UMODL1: variants seen among roughly 807,000 people sequenced by gnomAD.
UMODL1 encodes the protein uromodulin like 1, also known as uromodulin-like 1.
Under a neutral mutation model 136.3 loss-of-function variants are expected in UMODL1, and 128 were observed. The observed-to-expected ratio is 0.94, with a 90% CI of 0.81 to 1.09. UMODL1 has a LOEUF of 1.09. UMODL1 is among the 50% of genes least tolerant of loss of function. UMODL1 has a pLI of 0.00. For missense variants in UMODL1, 1,766 were observed against 1,725.6 expected (o/e 1.02, Z -0.41); for synonymous variants, 721 against 720.0 (o/e 1.00, Z -0.02).
intron 17 of UMODL1, among the ~76,000 whole-genome samples, chr21:42,124,163 C>A (rs1210270626): frequency 6.6e-6 from 1 of 152,236 alleles, no homozygotes; most frequent in Non-Finnish European, 1.5e-5. Context: ...CGTCTCCAAC[C>A]CCACTTGGCC....
chr21:42,088,141 T>C (rs535758706), intron 4 of UMODL1, among the ~76,000 whole-genome samples, 153 bp from the exon 5 acceptor site: 2 of 152,272 alleles, frequency 1.3e-5, no homozygotes, highest in African/African-American at 4.8e-5. Context: ...ATTGGGATAG[T>C]GATGGATAGA....
intron 17 of UMODL1, among the ~76,000 whole-genome samples, chr21:42,125,087 T>A (rs2123357408): frequency 6.6e-6 from 1 of 152,252 alleles, no homozygotes; most frequent in East Asian, 1.9e-4. Context: ...CAGGGCGGCC[T>A]CTGGCACTGG....
chr21:42,082,726 G>A (rs1045995412), intron 2 of UMODL1, among the ~76,000 whole-genome samples: 5 of 152,272 alleles, frequency 3.3e-5, no homozygotes, highest in South Asian at 2.1e-4. Flanking sequence ...CACCTCTGCC[G>A]TCTTGGCAAA....
At chr21:42,091,244 A>G (rs975248902) in intron 6 of UMODL1, among the ~76,000 whole-genome samples, 1 of 152,230 alleles carries the variant, frequency 6.6e-6, no homozygotes, top group Non-Finnish European at 1.5e-5. Context: ...AAATGGAGAC[A>G]TTTTGGCGCA....
chr21:42,106,487 A>G (rs1263909303), intron 9 of UMODL1, among the ~76,000 whole-genome samples: 1 of 152,110 alleles, frequency 6.6e-6, no homozygotes, highest in Non-Finnish European at 1.5e-5. Flanking sequence ...CCCAACCCCG[A>G]TAGATGAGGC....
intron 1 of UMODL1, among the ~76,000 whole-genome samples, chr21:42,074,133 A>C (rs989423865): frequency 6.6e-6 from 1 of 152,078 alleles, no homozygotes; most frequent in African/African-American, 2.4e-5. Flanking sequence ...GAAGTCTAAG[A>C]TGAAGTTGCG....
At chr21:42,121,007 C>T (rs1230574984) in intron 15 of UMODL1, 80 bp from the exon 16 acceptor site, 7 of 1,514,912 alleles carry the variant, frequency 4.6e-6, no homozygotes, top group Non-Finnish European at 6.2e-6. Flanking sequence ...CTGTGAGATG[C>T]ACTCTCCCCC....
intron 21 of UMODL1, among the ~76,000 whole-genome samples, chr21:42,132,033 C>T (rs1037336802): frequency 2.0e-5 from 3 of 152,214 alleles, no homozygotes; most frequent in Admixed American, 1.3e-4. Context: ...AAGCACTAGA[C>T]TTGGACTTGG....
At chr21:42,125,138 G>A (rs2067035045) in intron 17 of UMODL1, among the ~76,000 whole-genome samples, 2 of 152,206 alleles carry the variant, frequency 1.3e-5, no homozygotes, top group Admixed American at 6.5e-5. Flanking sequence ...GTCCTGGCAT[G>A]GGGTGTCAAT....
Position 42,130,069 on chromosome 21 carries a change from A to G in UMODL1, c.3775+272A>G, listed in dbSNP as rs186762504. Among the ~76,000 whole-genome samples, 167 of 152,338 alleles carry G rather than the reference A, an allele frequency of 1.1e-3. 1 individual carries two copies. The highest frequency in any genetic ancestry group is 2.9e-3 in the Admixed American group (44 of 15,306). On this transcript the variant is annotated intron_variant, in intron 21 of 22. Coordinates refer to ENST00000408910, the MANE Select transcript of UMODL1 (RefSeq NM_001004416.3). ...TACCATACCCATGCTACAGATGAAA[A>G]GACTGAGGCTTCAAGAGGCCAGGCA...
At chr21:42,087,012 T>A (rs931314171) in intron 4 of UMODL1, among the ~76,000 whole-genome samples, 1 of 152,204 alleles carries the variant, frequency 6.6e-6, no homozygotes, top group Non-Finnish European at 1.5e-5. Flanking sequence ...TAACCCTGCC[T>A]GAGACAGGGC....
At chr21:42,124,265 G>A (rs1433109882) in intron 17 of UMODL1, among the ~76,000 whole-genome samples, 1 of 152,238 alleles carries the variant, frequency 6.6e-6, no homozygotes, top group Non-Finnish European at 1.5e-5. Flanking sequence ...GCCTGGTACT[G>A]GACACAGGGG....
At chr21:42,072,027 G>A (rs1465177389) in intron 1 of UMODL1, among the ~76,000 whole-genome samples, 3 of 147,790 alleles carry the variant, frequency 2.0e-5, no homozygotes, top group Non-Finnish European at 3.0e-5. Context: ...CAGCCTGGGC[G>A]GCAGAGCAAA....
At chr21:42,094,071 A>C in intron 6 of UMODL1, 1 of 408,892 alleles carries the variant, frequency 2.4e-6, no homozygotes, top group East Asian at 7.3e-5. Context: ...ATCCGGAAAA[A>C]TATTAGATTC....
Position 42,126,441 on chromosome 21 carries a change from G to A in UMODL1, c.3244G>A (p.Ala1082Thr), listed in dbSNP as rs547216965. 43 of 1,614,202 alleles carry A rather than the reference G, an allele frequency of 2.7e-5. No individual in the cohort carries two copies. Among genetic ancestry groups the A allele is most frequent in the African/African-American group, 1.7e-4 (13 of 75,046 alleles). Residue 1082 changes from alanine to threonine, a missense_variant, in exon 18 of 23, where the codon GCC becomes ACC. Coordinates refer to ENST00000408910, the MANE Select transcript of UMODL1 (RefSeq NM_001004416.3). Reference protein sequence around the residue: ...HLKILSPIYCAFQNDLLTSSG... With the variant: ...HLKILSPIYCTFQNDLLTSSG... ...GAAGATCCTGAGCCCCATCTACTGC[G>A]CCTTCCAGAATGACCTGCTGACATC...
chr21:42,088,615 A>T, intron 5 of UMODL1, 135 bp downstream of exon 5: 1 of 942,772 alleles, frequency 1.1e-6, no homozygotes. Flanking sequence ...CAAAAGAATA[A>T]CTGGTTCAAG....
rs540800065 is a variant in UMODL1 at position 42,104,105 on chromosome 21, G to C, written c.1519+18G>C. On this transcript the variant is annotated intron_variant, in intron 9 of 22. Coordinates refer to ENST00000408910, the MANE Select transcript of UMODL1 (RefSeq NM_001004416.3). ...CGTGCAAGGTATGGCCCAGCCACCC[G>C]CCCTGCTGCCTGGTGTCCTCCAGCT... 3 of 1,593,522 alleles carry C rather than the reference G, an allele frequency of 1.9e-6. No individual in the cohort carries two copies. The highest frequency in any genetic ancestry group is 1.3e-5 in the African/African-American group (1 of 74,632).
At chr21:42,100,112 G>A (rs1405464833) in intron 7 of UMODL1, among the ~76,000 whole-genome samples, 3 of 152,130 alleles carry the variant, frequency 2.0e-5, no homozygotes, top group Non-Finnish European at 4.4e-5. Context: ...CTGGCTGGTG[G>A]AAGTTCTCCC....
intron 8 of UMODL1, 193 bp downstream of exon 8, chr21:42,102,471 C>T (rs1224365680): frequency 2.1e-6 from 1 of 480,830 alleles, no homozygotes. Flanking sequence ...TTATGGGGTA[C>T]TTAATCCAGA....
Sources: gnomAD v4.1 joint callset for allele counts (sites outside exome capture counted in the v4.1 genomes callset) on GRCh38, gnomAD v4.1.1 for gene constraint, MANE v1.5 for transcripts, NCBI Gene and HGNC (gene_info 2026-07-23, HGNC 2026-07-21) for gene names.